ZNF236: variants seen among roughly 807,000 people sequenced by gnomAD.
The protein encoded by ZNF236 is regulated by glucose.
In ZNF236, 50 loss-of-function variants were observed where a neutral mutation model predicts 191.2. The ratio of observed to expected loss-of-function variants is 0.26; its 90% CI spans 0.21 to 0.33. The LOEUF (loss-of-function observed/expected upper bound fraction) is 0.33, where lower values mean the gene tolerates loss of function less well. Among genes scored for constraint, ZNF236 ranks in the 10% least tolerant of loss-of-function variants. The probability of loss-of-function intolerance (pLI) is 1.00; values close to 1 mark genes in which losing one functional copy is unlikely to be tolerated. For missense variants in ZNF236, 1,754 were observed against 2,374.5 expected (o/e 0.74, Z 5.43); for synonymous variants, 907 against 928.8 (o/e 0.98, Z 0.43).
At chr18:76,823,948 C>A (rs1974945017) in intron 1 of ZNF236, among the ~76,000 whole-genome samples, 1 of 152,086 alleles carries the variant, frequency 6.6e-6, no homozygotes, top group Non-Finnish European at 1.5e-5. Context: ...CGGCGCTCCG[C>A]GTTTGGAAAG....
intron 26 of ZNF236, among the ~76,000 whole-genome samples, chr18:76,944,791 G>C (rs1968217617): frequency 6.6e-6 from 1 of 152,062 alleles, no homozygotes; most frequent in Admixed American, 6.6e-5. Flanking sequence ...CAAAAAAAAA[G>C]AATACTTAAT....
rs937752984 is a variant in ZNF236 at position 76,868,875 on chromosome 18, T to C, written c.542+12T>C. On this transcript the variant is annotated intron_variant, in intron 4 of 30. Coordinates refer to ENST00000320610, the MANE Select transcript of ZNF236 (RefSeq NM_001306089.2). ...CATTACAAAATTAGGTATGAGTCAT[T>C]ACATGGGCTTGGTCAAAAATCCATC... 6.4e-7 allele frequency: 1 copy of C among 1,571,966 alleles called. No individual in the cohort carries two copies. Among genetic ancestry groups the C allele is most frequent in the Non-Finnish European group, 8.6e-7 (1 of 1,158,324 alleles).
At chr18:76,945,274 CCAG>C (rs1402393720) in intron 26 of ZNF236, among the ~76,000 whole-genome samples, 1 of 152,098 alleles carries the variant, frequency 6.6e-6, no homozygotes, top group Non-Finnish European at 1.5e-5. Flanking sequence ...GAATTTCTGA[CCAG>C]CAGTTTTTTT....
chr18:76,880,236 G>T lies in ZNF236; in HGVS notation c.1108G>T (p.Ala370Ser), dbSNP rs763641666. 6.2e-7 allele frequency: 1 copy of T among 1,614,140 alleles called. No homozygotes were observed. The highest frequency in any genetic ancestry group is 2.2e-5 in the East Asian group (1 of 44,872). Residue 370 changes from alanine to serine, a missense_variant, in exon 8 of 31, where the codon GCG becomes TCG. By Grantham distance (99) the Ala-to-Ser change is moderately conservative. This residue lies in a region of ZNF236 where 336 missense variants were observed against 495.1 expected (regional missense o/e 0.68). Coordinates refer to ENST00000320610, the MANE Select transcript of ZNF236 (RefSeq NM_001306089.2). This position sits in a 1 kb window ranked among gnomAD's most constrained non-coding sequence, Gnocchi z 5.0. ...GCAGCTCCTGGAGCTCTCAGAGCCG[G>T]CGCCGGTGGAGTCGGGGCAGTCCCC... ...IQQLLELSEP[A>S]PVESGQSPQP...
At chr18:76,836,878 A>G (rs1411913363) in intron 1 of ZNF236, among the ~76,000 whole-genome samples, 4 of 150,340 alleles carry the variant, frequency 2.7e-5, no homozygotes, top group African/African-American at 9.8e-5. Flanking sequence ...CGCCCGGCCT[A>G]TTTATTTGTT....
intron 9 of ZNF236, among the ~76,000 whole-genome samples, chr18:76,891,878 G>A (rs117264616): frequency 0.015 from 2,330 of 152,138 alleles, 27 homozygotes; most frequent in Middle Eastern, 0.02. Context: ...CAAGTGTTCT[G>A]AGTGTACTTT....
intron 1 of ZNF236, among the ~76,000 whole-genome samples, chr18:76,836,082 A>G (rs1975316254): frequency 6.7e-6 from 1 of 150,000 alleles, no homozygotes; most frequent in African/African-American, 2.5e-5. Flanking sequence ...TAATTTTTGT[A>G]TTTTTAGTAG....
At chr18:76,873,834 G>A (rs1007497901) in intron 5 of ZNF236, among the ~76,000 whole-genome samples, 3 of 144,268 alleles carry the variant, frequency 2.1e-5, no homozygotes, top group African/African-American at 7.8e-5. Context: ...CTGTCCCCAC[G>A]TAGGCAGTGC....
intron 3 of ZNF236, among the ~76,000 whole-genome samples, chr18:76,856,759 ATTTC>A (rs1258877951): frequency 6.6e-6 from 1 of 151,962 alleles, no homozygotes; most frequent in African/African-American, 2.4e-5. Flanking sequence ...TGACAAAATT[ATTTC>A]TTGGTTTCTG....
intron 27 of ZNF236, among the ~76,000 whole-genome samples, chr18:76,954,638 A>G (rs1018462999): frequency 1.3e-5 from 2 of 152,216 alleles, no homozygotes; most frequent in African/African-American, 2.4e-5. Flanking sequence ...AATAACACCT[A>G]TAGATACTCA....
At chr18:76,886,452 C>T (rs517637) in intron 9 of ZNF236, 55,997 of 162,544 alleles carry the variant, frequency 0.34, 10,332 homozygotes, top group East Asian at 0.53. Context: ...ACATTACCAA[C>T]GGCTGTGTCA....
intron 3 of ZNF236, among the ~76,000 whole-genome samples, chr18:76,866,384 T>G (rs1976403467): frequency 6.6e-6 from 1 of 152,132 alleles, no homozygotes; most frequent in South Asian, 2.1e-4. Context: ...AAAAGAAGCA[T>G]GGCTTCTGAG....
rs762969464 is a variant in ZNF236 at position 76,960,401 on chromosome 18, C to T, written c.5243-278C>T. Among the ~76,000 whole-genome samples the T allele has an allele frequency of 6.6e-5, 10 of 152,156 alleles. No individual in the cohort carries two copies. Among genetic ancestry groups the T allele is most frequent in the Admixed American group, 1.3e-4 (2 of 15,280 alleles). The stretch of plus-strand genomic sequence containing the variant: ...GCTCATTTCTGTTGTGATCATCTGA[C>T]GACTCACTGTGGGCCTGGGGTTCCA... On this transcript the variant is annotated intron_variant, in intron 29 of 30. Transcript: ENST00000320610. The surrounding 1 kb of genome is among the most constrained non-coding windows in gnomAD (Gnocchi z 4.4).
At position 76,955,957 on chromosome 18, in the gene ZNF236, G is replaced by A. The variant is rs367684575; in HGVS notation, c.4915-28G>A. ...CTGCACAAATCAAGCCAAGTGAGTG[G>A]AAAGTCACAATTTCTGGCTCTTTCC... On this transcript the variant is annotated intron_variant, in intron 27 of 30. Coordinates refer to ENST00000320610, the MANE Select transcript of ZNF236 (RefSeq NM_001306089.2). 5.6e-6 allele frequency: 9 copies of A among 1,593,972 alleles called. No homozygotes were observed. In the African/African-American group the frequency reaches 1.2e-4, roughly 21 times the overall value.
intron 21 of ZNF236, among the ~76,000 whole-genome samples, chr18:76,923,963 T>C (rs920628593): frequency 2.0e-5 from 3 of 152,222 alleles, no homozygotes; most frequent in South Asian, 2.1e-4. Flanking sequence ...CATAGAATTA[T>C]GATTATGAGA....
At chr18:76,952,530 C>T (rs1968433497) in intron 27 of ZNF236, among the ~76,000 whole-genome samples, 1 of 152,178 alleles carries the variant, frequency 6.6e-6, no homozygotes, top group Non-Finnish European at 1.5e-5. Flanking sequence ...TATCTGAACC[C>T]ACGACAGAGT....
Position 76,899,209 on chromosome 18 carries a change from C to T in ZNF236, c.1881C>T (p.Leu627=). 6.2e-7 allele frequency: 1 copy of T among 1,613,482 alleles called. No homozygotes were observed. Among genetic ancestry groups the T allele is most frequent in the Non-Finnish European group, 8.5e-7 (1 of 1,179,468 alleles). Residue 627 remains leucine, a synonymous_variant, in exon 11 of 31, where the codon CTC becomes CTT. Coordinates refer to ENST00000320610, the MANE Select transcript of ZNF236 (RefSeq NM_001306089.2). ...ATATTCCTTTGCAGGAACCAATCCT[C>T]ATAACTGACTTAGGTAAGATGGATT... is the stretch of plus-strand genomic sequence containing the variant. ...VPDIPLQEPI[L]ITDLGLIQPI...
At chr18:76,895,798 C>T (rs1048965200) in intron 10 of ZNF236, among the ~76,000 whole-genome samples, 1 of 150,186 alleles carries the variant, frequency 6.7e-6, no homozygotes, top group Non-Finnish European at 1.5e-5. Flanking sequence ...GTACCCAGCA[C>T]AGCACTTTGC....
Position 76,880,021 on chromosome 18 carries a change from A to AG in ZNF236, c.985-90dup. Reference sequence around the variant, plus strand: ...ATACTCTTAGATTTTAACACCCTTAAGGAGGGTATTGCCTGTTTTTTTTTT... The same window carrying AG: ...ATACTCTTAGATTTTAACACCCTTAAGGGAGGGTATTGCCTGTTTTTTTTTT... On this transcript the variant is annotated intron_variant, in intron 7 of 30. Transcript: ENST00000320610. The surrounding 1 kb of genome is among the most constrained non-coding windows in gnomAD (Gnocchi z 5.0). 1 of 1,123,736 alleles carries AG rather than the reference A, an allele frequency of 8.9e-7. No homozygotes were observed. The highest frequency in any genetic ancestry group is 1.7e-5 in the African/African-American group (1 of 60,338). The allele number at this position is 1,123,736 out of a possible 1,614,324, so 69.6% of individuals were successfully genotyped here.
Sources: allele counts gnomAD v4.1 joint callset (sites outside exome capture counted in the v4.1 genomes callset), GRCh38; gene constraint gnomAD v4.1.1; regional missense constraint gnomAD v4.1.1; non-coding constraint Gnocchi (gnomAD v3.1); transcripts MANE v1.5; gene names NCBI Gene and HGNC (gene_info 2026-07-23, HGNC 2026-07-21).